MACROD2: variants seen among roughly 807,000 people sequenced by gnomAD.
MACROD2 encodes the protein ADP-ribose glycohydrolase MACROD2.
A neutral mutation model predicts 70.4 loss-of-function variants in MACROD2; 36 were observed. The observed-to-expected ratio is 0.51, with a 90% CI of 0.39 to 0.68. MACROD2 has a LOEUF of 0.68. MACROD2 is among the 30% of genes least tolerant of loss of function. The pLI is 0.00. For missense variants in MACROD2, 496 were observed against 538.4 expected (o/e 0.92, Z 0.78); for synonymous variants, 172 against 178.8 (o/e 0.96, Z 0.30).
At chr20:15,945,002 C>G (rs1235530951) in intron 12 of MACROD2, among the ~76,000 whole-genome samples, 1 of 152,098 alleles carries the variant, frequency 6.6e-6, no homozygotes, top group Non-Finnish European at 1.5e-5. Context: ...ATCTCTTCTT[C>G]CAACTACTTG....
chr20:15,226,019 A>C (rs1243351997), intron 5 of MACROD2, among the ~76,000 whole-genome samples: 1 of 152,212 alleles, frequency 6.6e-6, no homozygotes. Flanking sequence ...AACGTGAACC[A>C]TGATTGATGC....
intron 3 of MACROD2, among the ~76,000 whole-genome samples, chr20:14,253,327 T>G (rs1351506552): frequency 2.6e-5 from 4 of 152,018 alleles, no homozygotes; most frequent in Non-Finnish European, 4.4e-5. Flanking sequence ...ATAACTTATT[T>G]TTACTTCTTC....
chr20:14,700,522 GGTGTGTGTGTGTGT>G lies in MACROD2; in HGVS notation c.418+15586_418+15599del, dbSNP rs149689043. Among the ~76,000 whole-genome samples the G allele has an allele frequency of 1.6e-4, 18 of 111,462 alleles. 1 individual carries two copies. The highest frequency in any genetic ancestry group is 2.3e-4 in the Non-Finnish European group (11 of 47,846). The allele number at this position is 111,462 out of a possible 152,430, so 73.1% of individuals were successfully genotyped here. ...TTCTTTGACAGTTAAGACATATGGT[GGTGTGTGTGTGTGT>G]GTGTGTGTGTGTGTGTGTGTGTAAT... On this transcript the variant is annotated intron_variant, in intron 5 of 17. Coordinates refer to ENST00000684519, the MANE Select transcript of MACROD2 (RefSeq NM_001351661.2).
chr20:14,444,137 G>A (rs994835820), intron 3 of MACROD2, among the ~76,000 whole-genome samples: 5 of 152,064 alleles, frequency 3.3e-5, no homozygotes, highest in African/African-American at 1.2e-4. Flanking sequence ...AATGTTATCA[G>A]GGGATACAGT....
intron 15 of MACROD2, among the ~76,000 whole-genome samples, chr20:16,022,968 C>CTAATGACTCA (rs1481357575): frequency 6.6e-6 from 1 of 152,166 alleles, no homozygotes; most frequent in Non-Finnish European, 1.5e-5. Flanking sequence ...AGAAGAAGAG[C>CTAATGACTCA]TAATGACTCA....
At chr20:14,743,872 A>G (rs958156006) in intron 5 of MACROD2, among the ~76,000 whole-genome samples, 2 of 152,186 alleles carry the variant, frequency 1.3e-5, no homozygotes, top group African/African-American at 4.8e-5. Context: ...TTTATAATAC[A>G]GACACAGGGG....
chr20:15,348,013 G>A (rs974933307), intron 6 of MACROD2, among the ~76,000 whole-genome samples: 7 of 152,062 alleles, frequency 4.6e-5, no homozygotes, highest in East Asian at 1.9e-4. Flanking sequence ...ACCCCATTTC[G>A]CCTTCCTTCT....
At chr20:14,798,406 G>C (rs909829323) in intron 5 of MACROD2, among the ~76,000 whole-genome samples, 4 of 151,970 alleles carry the variant, frequency 2.6e-5, no homozygotes, top group Non-Finnish European at 5.9e-5. Flanking sequence ...GTCTGGTTTG[G>C]GAAGATCATT....
chr20:14,077,759 T>A (rs1011657782), intron 2 of MACROD2, among the ~76,000 whole-genome samples: 18 of 152,166 alleles, frequency 1.2e-4, no homozygotes, highest in African/African-American at 4.1e-4. Context: ...GATTTCTATA[T>A]AAAGTTTTTT....
At chr20:14,058,541 T>C (rs1052931967) in intron 2 of MACROD2, among the ~76,000 whole-genome samples, 2 of 151,954 alleles carry the variant, frequency 1.3e-5, no homozygotes, top group African/African-American at 4.8e-5. Context: ...AATTTTTCCT[T>C]ATGGAGTTTT....
chr20:15,734,596 C>T lies in MACROD2; in HGVS notation c.646-128149C>T, dbSNP rs2050993276. On this transcript the variant is annotated intron_variant, in intron 8 of 17. Coordinates refer to ENST00000684519, the MANE Select transcript of MACROD2 (RefSeq NM_001351661.2). Reference sequence around the variant, plus strand: ...CCACCTAAGACATGCATAGCCACAGCACTTTGTTCCCTGAAACTAGAGTGA... The same window carrying T: ...CCACCTAAGACATGCATAGCCACAGTACTTTGTTCCCTGAAACTAGAGTGA... 2.0e-5 allele frequency among the ~76,000 whole-genome samples: 3 copies of T among 152,198 alleles called. No homozygotes were observed. In the South Asian group the frequency reaches 6.2e-4, roughly 31 times the overall value.
chr20:14,918,887 T>A (rs1340734323), intron 5 of MACROD2, among the ~76,000 whole-genome samples: 1 of 152,212 alleles, frequency 6.6e-6, no homozygotes, highest in African/African-American at 2.4e-5. Flanking sequence ...ATGTATGTCT[T>A]CATTTAAAGA....
chr20:15,990,817 G>A (rs894050505), intron 15 of MACROD2, among the ~76,000 whole-genome samples: 2 of 152,014 alleles, frequency 1.3e-5, no homozygotes, highest in African/African-American at 2.4e-5. Context: ...CTTAAACTTC[G>A]AAGAATCCCA....
At chr20:15,545,073 C>T (rs2146575398) in intron 8 of MACROD2, among the ~76,000 whole-genome samples, 1 of 152,288 alleles carries the variant, frequency 6.6e-6, no homozygotes, top group South Asian at 2.1e-4. Context: ...CATTTCACAT[C>T]CCTGACATGT....
intron 4 of MACROD2, among the ~76,000 whole-genome samples, chr20:14,684,391 T>C (rs901380171): frequency 4.6e-5 from 7 of 152,150 alleles, no homozygotes; most frequent in Non-Finnish European, 8.8e-5. Flanking sequence ...TCTTACTGAC[T>C]TTTTTCTTCT....
rs151167252 is a variant in MACROD2 at position 14,705,014 on chromosome 20, T to A, written c.418+20055T>A. ...GTTAAGGCCTATAATATGAGACACA[T>A]TCAGATAGTAAAATGATTACTATAG... On this transcript the variant is annotated intron_variant, in intron 5 of 17. Transcript: ENST00000684519. Among the ~76,000 whole-genome samples, 362 of 152,124 alleles carry A rather than the reference T, an allele frequency of 2.4e-3. 2 individuals are homozygous for A. Among genetic ancestry groups the A allele is most frequent in the African/African-American group, 8.2e-3 (340 of 41,500 alleles).
intron 8 of MACROD2, among the ~76,000 whole-genome samples, chr20:15,582,568 C>T (rs73260629): frequency 3.0e-4 from 46 of 152,320 alleles, no homozygotes; most frequent in African/African-American, 1.0e-3. Context: ...CAATTAGTCA[C>T]GTGGTGGAAA....
At chr20:14,191,523 C>A (rs540289121) in intron 3 of MACROD2, among the ~76,000 whole-genome samples, 1 of 152,228 alleles carries the variant, frequency 6.6e-6, no homozygotes, top group Admixed American at 6.5e-5. Context: ...AACCTATACC[C>A]TCGTGGAGAT....
chr20:15,911,012 A>G (rs1214090768), intron 10 of MACROD2, among the ~76,000 whole-genome samples: 1 of 152,132 alleles, frequency 6.6e-6, no homozygotes, highest in African/African-American at 2.4e-5. Context: ...CTGCTCTCTC[A>G]TCAACCCTGG....
Sources: gnomAD v4.1 joint callset for allele counts (sites outside exome capture counted in the v4.1 genomes callset) on GRCh38, gnomAD v4.1.1 for gene constraint, MANE v1.5 for transcripts, NCBI Gene and HGNC (gene_info 2026-07-23, HGNC 2026-07-21) for gene names.